The following MAN1B1 variants were observed in gnomAD, a reference collection of about 807,000 sequenced individuals.
MAN1B1 encodes the protein mannosidase alpha class 1B member 1.
Under a neutral mutation model 75.5 loss-of-function variants are expected in MAN1B1, and 66 were observed. The ratio of observed to expected loss-of-function variants is 0.87; its 90% CI spans 0.72 to 1.07. MAN1B1 has a LOEUF of 1.07. MAN1B1 is among the 50% of genes least tolerant of loss of function. The pLI is 0.00. For missense variants in MAN1B1, 973 were observed against 912.5 expected (o/e 1.07, Z -0.85); for synonymous variants, 453 against 382.8 (o/e 1.18, Z -2.14).
rs1340086005 is a variant in MAN1B1 at position 137,108,724 on chromosome 9, C to G, written c.*133C>G. On this transcript the variant is annotated 3_prime_UTR_variant, in exon 13 of 13. Transcript: ENST00000371589. ...GCTCTGAACTGGCTCTGGGCTCCTC[C>G]TCGTCTCTGCTTTAATCAGGACACC... The G allele has an allele frequency of 2.4e-6, 2 of 817,434 alleles. No homozygotes were observed. The highest frequency in any genetic ancestry group is 2.1e-6 in the Non-Finnish European group (1 of 476,718). 50.6% of individuals were successfully genotyped at this position (817,434 alleles called of 1,614,324 possible).
rs369827554 is a variant in MAN1B1, at chr9:137,088,915, T to C, written c.375T>C (p.Ile125=). The change falls in exon 3 of 13, where the codon ATT becomes ATC. Residue 125 remains isoleucine, a synonymous_variant. Transcript: ENST00000371589. The part of the protein sequence containing the change: ...LEEEQKMRPE[I]AGLKPANPPV... The stretch of plus-strand genomic sequence containing the variant: ...AAGAGCAGAAGATGAGGCCAGAAAT[T>C]GCTGGGTTAAAACCAGCAAATCCAC... The C allele has an allele frequency of 2.0e-5, 32 of 1,613,876 alleles. No individual in the cohort carries two copies. The highest frequency in any genetic ancestry group is 2.5e-5 in the Non-Finnish European group (29 of 1,180,044).
In MAN1B1 at chr9:137,096,417, G is replaced by A. The variant is rs115157023; in HGVS notation, c.620+26G>A. The A allele has an allele frequency of 3.0e-3, 4,775 of 1,611,174 alleles. 47 individuals carry two copies. Among genetic ancestry groups the A allele is most frequent in the African/African-American group, 0.025 (1,872 of 74,982 alleles). On this transcript the variant is annotated intron_variant, in intron 4 of 12. Coordinates refer to ENST00000371589, the MANE Select transcript of MAN1B1 (RefSeq NM_016219.5). Reference sequence around the variant, plus strand: ...GTACAGAGCGCAGGGCAGGCTGCACGCCGCCGCTCAGGGCTTGATGTTCCG... The same window carrying A: ...GTACAGAGCGCAGGGCAGGCTGCACACCGCCGCTCAGGGCTTGATGTTCCG...
chr9:137,107,781 G>A (rs779574240), intron 12 of MAN1B1, 119 bp downstream of exon 12: 10 of 1,488,122 alleles, frequency 6.7e-6, no homozygotes, highest in African/African-American at 4.2e-5. Context: ...CGGGAGGGGC[G>A]GGCTTGCCGC....
Position 137,099,600 on chromosome 9 carries a change from C to CCATGGGGGTCACAGCAGTGCTCTGCCTG in MAN1B1, c.731-95_731-68dup, listed in dbSNP as rs1301983728. 2.8e-5 allele frequency: 38 copies of CCATGGGGGTCACAGCAGTGCTCTGCCTG among 1,360,756 alleles called. No homozygotes were observed. The Admixed American group carries it at 5.9e-4, about 21-fold the overall frequency. The allele number at this position is 1,360,756 out of a possible 1,614,324, so 84.3% of individuals were successfully genotyped here. ...TCCCAAACCCACCGTCATCTTTGCC[C>CCATGGGGGTCACAGCAGTGCTCTGCCTG]CATGGGGGTCACAGCAGTGCTCTGC... On this transcript the variant is annotated intron_variant, in intron 5 of 12. Transcript: ENST00000371589.
At chr9:137,102,048 C>T (rs1440503545) in intron 8 of MAN1B1, 3 of 462,482 alleles carry the variant, frequency 6.5e-6, no homozygotes, top group African/African-American at 6.1e-5. Context: ...GGTGCTGTTA[C>T]ACACATGCTG....
Position 137,088,101 on chromosome 9 carries a change from G to T in MAN1B1, c.246G>T (p.Gln82His). 3 of 1,614,176 alleles carry T rather than the reference G, an allele frequency of 1.9e-6. No individual in the cohort carries two copies. The highest frequency in any genetic ancestry group is 2.5e-6 in the Non-Finnish European group (3 of 1,180,008). Reference protein sequence around the residue: ...WRKWKQLSRLQRNMILFLLAF... With the variant: ...WRKWKQLSRLHRNMILFLLAF... ...AATGGAAGCAACTGTCGAGATTGCA[G>T]CGGAATATGATTCTCTTCCTCCTTG... Residue 82 changes from glutamine (Q) to histidine (H), a missense_variant, in exon 2 of 13, where the codon CAG (glutamine) becomes CAT (histidine). Transcript: ENST00000371589.
intron 4 of MAN1B1, 133 bp downstream of exon 4, chr9:137,096,524 C>A: frequency 8.0e-7 from 1 of 1,244,710 alleles, no homozygotes. Flanking sequence ...AATCTGTCCT[C>A]ATTAACCTTA....
chr9:137,093,974 C>T (rs569255619), intron 3 of MAN1B1, among the ~76,000 whole-genome samples: 1 of 151,776 alleles, frequency 6.6e-6, no homozygotes, highest in South Asian at 2.1e-4. Flanking sequence ...CTCAGATGAA[C>T]TTCCCTACAA....
At position 137,088,790 on chromosome 9, in the gene MAN1B1, C is replaced by T. The variant is rs1830445870; in HGVS notation, c.329-79C>T. ...GTTGATTTGTAATGGATAGTGCCTG[C>T]CAAGTGTTTTTATAAAGCAGTTTAA... is the stretch of plus-strand genomic sequence containing the variant. On this transcript the variant is annotated intron_variant, in intron 2 of 12. Coordinates refer to ENST00000371589, the MANE Select transcript of MAN1B1 (RefSeq NM_016219.5). 2.0e-6 allele frequency: 3 copies of T among 1,473,148 alleles called. No individual in the cohort carries two copies. In the South Asian group the frequency reaches 3.4e-5, roughly 17 times the overall value. 91.3% of individuals were successfully genotyped at this position (1,473,148 alleles called of 1,614,324 possible).
chr9:137,099,944 G>A (rs1830763673), intron 6 of MAN1B1, 63 bp downstream of exon 6: 2 of 1,585,530 alleles, frequency 1.3e-6, no homozygotes, highest in Admixed American at 3.3e-5. Context: ...CTGAGGCAGA[G>A]TGTGGGTTGC....
intron 3 of MAN1B1, among the ~76,000 whole-genome samples, chr9:137,092,987 A>G (rs1460171961): frequency 6.6e-6 from 1 of 152,156 alleles, no homozygotes; most frequent in Admixed American, 6.5e-5. Context: ...GAGTTAGAAT[A>G]TTTCATCCTT....
intron 9 of MAN1B1, 60 bp downstream of exon 9, chr9:137,106,375 T>G (rs1588651321): frequency 1.5e-6 from 2 of 1,358,250 alleles, no homozygotes; most frequent in Non-Finnish European, 9.9e-7. Flanking sequence ...AGCCCCCCAC[T>G]CCTGCTGCCC....
In MAN1B1 at chr9:137,087,067, C is replaced by T. The variant is rs775053814; in HGVS notation, c.68C>T (p.Pro23Leu). The part of the protein sequence containing the change: ...GSSQSDFLTP[P>L]VGGAPWAVAT... ...TCTCAGTCGGACTTCCTGACGCCGC[C>T]AGTGGGCGGGGCCCCTTGGGCCGTC... The change falls in exon 1 of 13, where the codon CCA becomes CTA. Residue 23 changes from proline (P) to leucine (L), a missense_variant. By Grantham distance (98) the Pro-to-Leu change is moderately conservative (BLOSUM62 -3). Transcript: ENST00000371589. 6.2e-7 allele frequency: 1 copy of T among 1,603,756 alleles called. No homozygotes were observed. The highest frequency in any genetic ancestry group is 1.1e-5 in the South Asian group (1 of 89,188).
intron 12 of MAN1B1, 145 bp from the exon 13 acceptor site, chr9:137,108,243 G>C: frequency 4.1e-6 from 3 of 729,254 alleles, no homozygotes; most frequent in Admixed American, 4.2e-5. Flanking sequence ...CGGCTCGCCT[G>C]GGGGTGGCCA....
Position 137,107,341 on chromosome 9 carries a change from T to G in MAN1B1, c.1658T>G (p.Met553Arg). Reference sequence around the variant, plus strand: ...CACATGGAGCTGGCCCAGGAGCTCATGGAGACTTGTTACCAGATGAACCGG... The same window carrying G: ...CACATGGAGCTGGCCCAGGAGCTCAGGGAGACTTGTTACCAGATGAACCGG... ...ASHMELAQELMETCYQMNRQM... is the reference protein window; with the variant it reads ...ASHMELAQELRETCYQMNRQM... Residue 553 changes from methionine (M) to arginine (R), a missense_variant, in exon 11 of 13, where the codon ATG becomes AGG. Transcript: ENST00000371589. 3 of 1,613,246 alleles carry G rather than the reference T, an allele frequency of 1.9e-6. No homozygotes were observed. The highest frequency in any genetic ancestry group is 2.2e-5 in the East Asian group (1 of 44,866).
chr9:137,103,483 G>C (rs1041432369), intron 8 of MAN1B1: 4 of 438,830 alleles, frequency 9.1e-6, no homozygotes, highest in African/African-American at 2.1e-5. Flanking sequence ...GTGCAGGTCA[G>C]TGGTACACAC....
Position 137,097,870 on chromosome 9 carries a change from C to T in MAN1B1, c.663C>T (p.Leu221=), listed in dbSNP as rs1426384868. 2 of 1,559,822 alleles carry T rather than the reference C, an allele frequency of 1.3e-6. No individual in the cohort carries two copies. Among genetic ancestry groups the T allele is most frequent in the South Asian group, 1.2e-5 (1 of 84,502 alleles). The change falls in exon 5 of 13, where the codon CTC becomes CTT. Residue 221 remains leucine (L), a synonymous_variant. Transcript: ENST00000371589. ...TCGAGCCTGAGCAGGGCACCGAGCT[C>T]CCTTCAAGAAGAGCAGAAGTGCCCA... is the stretch of plus-strand genomic sequence containing the variant. ...AVIEPEQGTE[L]PSRRAEVPTK...
Position 137,101,138 on chromosome 9 carries a change from C to G in MAN1B1, c.1050C>G (p.Leu350=), listed in dbSNP as rs764043401. 1 of 1,614,034 alleles carries G rather than the reference C, an allele frequency of 6.2e-7. No individual in the cohort carries two copies. The highest frequency in any genetic ancestry group is 2.2e-5 in the East Asian group (1 of 44,886). Residue 350 remains leucine, a synonymous_variant, in exon 7 of 13, where the codon CTC becomes CTG. Transcript: ENST00000371589. ...LSAYHLSGDS[L]FLRKAEDFGN... ...CCTACCACCTGTCTGGGGACAGCCT[C>G]TTCCTGAGGAAAGCTGTAAGTGTCT...
intron 1 of MAN1B1, 36 bp downstream of exon 1, chr9:137,087,254 TGCCGTGCCC>T: frequency 6.5e-7 from 1 of 1,544,358 alleles, no homozygotes. Flanking sequence ...GGCCCGGGGC[TGCCGTGCCC>T]GCCGCCCTCC....
Sources: gnomAD v4.1 joint callset for allele counts (sites outside exome capture counted in the v4.1 genomes callset) on GRCh38, gnomAD v4.1.1 for gene constraint, MANE v1.5 for transcripts, NCBI Gene and HGNC (gene_info 2026-07-23, HGNC 2026-07-21) for gene names.